Variants in EFCAB12 observed in about 807,000 individuals in gnomAD.
The protein encoded by EFCAB12 is EF-hand calcium binding domain 12.
EFCAB12 carries 43 observed loss-of-function variants against 53.6 expected under a neutral mutation model. The observed-to-expected ratio is 0.80, with a 90% CI of 0.63 to 1.03. EFCAB12 has a LOEUF of 1.03. Ranked by LOEUF, EFCAB12 falls within the 50% of genes least tolerant of loss-of-function variation. The pLI is 0.00. For missense variants in EFCAB12, 646 were observed against 730.6 expected (o/e 0.88, Z 1.34); for synonymous variants, 269 against 289.2 (o/e 0.93, Z 0.71).
intron 4 of EFCAB12, chr3:129,411,944 CA>C: frequency 6.6e-6 from 1 of 152,670 alleles, no homozygotes; most frequent in Non-Finnish European, 1.5e-5. Context: ...AACAAACAAA[CA>C]AAAAATATAG....
chr3:129,420,720 T>C (rs771156148), intron 2 of EFCAB12, among the ~76,000 whole-genome samples: 1 of 151,718 alleles, frequency 6.6e-6, no homozygotes, highest in Non-Finnish European at 1.5e-5. Flanking sequence ...CAAACTCTTC[T>C]GCTTCCCTCC....
At position 129,421,523 on chromosome 3, in the gene EFCAB12, C is replaced by T. The variant is rs776949033; in HGVS notation, c.330G>A (p.Ser110=). The change falls in exon 2 of 9, where the codon TCG becomes TCA. Residue 110 remains serine (S), a synonymous_variant. Transcript: ENST00000505956. ...EDRKTWLSQR[S]KLRQELESFG... ...AGGACTCTAGCTCCTGCCGCAGCTT[C>T]GACCTCTGGCTCAGCCAGGTCTTCC... 3 of 1,614,024 alleles carry T rather than the reference C, an allele frequency of 1.9e-6. No homozygotes were observed. The highest frequency in any genetic ancestry group is 2.2e-5 in the East Asian group (1 of 44,876).
intron 5 of EFCAB12, 80 bp from the exon 6 acceptor site, chr3:129,408,938 C>G (rs1346086582): frequency 4.7e-5 from 69 of 1,465,820 alleles, no homozygotes; most frequent in Non-Finnish European, 6.3e-5. Flanking sequence ...GATGCAGTGC[C>G]TCATCGACCT....
Position 129,408,683 on chromosome 3 carries a change from G to C in EFCAB12, c.1211C>G (p.Ser404Cys). Residue 404 changes from serine to cysteine, a missense_variant, in exon 6 of 9, where the codon TCC (serine) becomes TGC (cysteine). Physicochemically the swap from Ser to Cys is moderately radical, Grantham distance 112. Coordinates refer to ENST00000505956, the MANE Select transcript of EFCAB12 (RefSeq NM_207307.3). Reference protein sequence around the residue: ...VYLQCWKLCKSYGLPLTEDIL... With the variant: ...VYLQCWKLCKCYGLPLTEDIL... Reference sequence around the variant, plus strand: ...GTCCTCTGTCAGCGGGAGGCCATAGGACTTACAGAGCTTCCAGCATTGCAG... The same window carrying C: ...GTCCTCTGTCAGCGGGAGGCCATAGCACTTACAGAGCTTCCAGCATTGCAG... 6.3e-7 allele frequency: 1 copy of C among 1,586,334 alleles called. No homozygotes were observed.
At chr3:129,419,745 A>C (rs1463047568) in intron 2 of EFCAB12, among the ~76,000 whole-genome samples, 3 of 152,172 alleles carry the variant, frequency 2.0e-5, no homozygotes, top group Non-Finnish European at 4.4e-5. Flanking sequence ...CAGGACTGTG[A>C]GCCAAAAAAA....
chr3:129,409,816 T>C (rs866550665), intron 5 of EFCAB12, among the ~76,000 whole-genome samples: 64 of 152,334 alleles, frequency 4.2e-4, no homozygotes, highest in African/African-American at 1.4e-3. Context: ...AAATGTTTAC[T>C]ATCTGGCCCT....
chr3:129,416,891 G>T (rs531535970), intron 3 of EFCAB12, among the ~76,000 whole-genome samples: 1 of 152,294 alleles, frequency 6.6e-6, no homozygotes, highest in East Asian at 1.9e-4. Flanking sequence ...GCCTCAAGCA[G>T]TCTTCTCACT....
intron 6 of EFCAB12, among the ~76,000 whole-genome samples, chr3:129,407,161 G>GA (rs1445032040): frequency 6.6e-6 from 1 of 152,220 alleles, no homozygotes; most frequent in Non-Finnish European, 1.5e-5. Context: ...CATGTGCAGA[G>GA]AAAAAACTGT....
chr3:129,422,401 C>T (rs2072200022), intron 1 of EFCAB12, among the ~76,000 whole-genome samples: 3 of 152,130 alleles, frequency 2.0e-5, no homozygotes, highest in African/African-American at 7.2e-5. Flanking sequence ...CTTTTGATAA[C>T]CTTAAAATGA....
rs551160696 is a variant in EFCAB12, at chr3:129,428,538, G to T, written c.-50C>A. 167 of 1,594,458 alleles carry T rather than the reference G, an allele frequency of 1.0e-4. No individual in the cohort carries two copies. In the South Asian group the frequency reaches 1.7e-3, roughly 16 times the overall value. On this transcript the variant is annotated 5_prime_UTR_variant, in exon 1 of 9. Coordinates refer to ENST00000505956, the MANE Select transcript of EFCAB12 (RefSeq NM_207307.3). ...TGAAGGGCGTGTGTGAATGTGTGTC[G>T]ATGTGGGCTTGCTTGCGTAGGGGTA... is the stretch of plus-strand genomic sequence containing the variant.
chr3:129,417,625 C>T (rs1357574099), intron 3 of EFCAB12, among the ~76,000 whole-genome samples: 1 of 152,234 alleles, frequency 6.6e-6, no homozygotes, highest in Non-Finnish European at 1.5e-5. Flanking sequence ...AAATGTTCCA[C>T]ATCTGTGCAG....
intron 7 of EFCAB12, 91 bp from the exon 8 acceptor site, chr3:129,402,670 C>G: frequency 7.9e-7 from 1 of 1,270,048 alleles, no homozygotes; most frequent in Non-Finnish European, 1.1e-6. Context: ...AGGGGTGGAC[C>G]CGTTTCTAAG....
chr3:129,422,593 C>T (rs2072202265), intron 1 of EFCAB12, among the ~76,000 whole-genome samples: 1 of 152,158 alleles, frequency 6.6e-6, no homozygotes, highest in Non-Finnish European at 1.5e-5. Context: ...ACCCTGGGCA[C>T]TCTTCCTTAT....
At chr3:129,423,834 C>T (rs1487357349) in intron 1 of EFCAB12, among the ~76,000 whole-genome samples, 4 of 152,116 alleles carry the variant, frequency 2.6e-5, no homozygotes, top group Non-Finnish European at 5.9e-5. Context: ...CTTCTGCCTT[C>T]CCTTACGTTT....
intron 1 of EFCAB12, among the ~76,000 whole-genome samples, chr3:129,426,359 G>GTTTTTT (rs71620055): frequency 3.3e-4 from 29 of 87,818 alleles, no homozygotes; most frequent in Admixed American, 5.3e-4. Flanking sequence ...GTTTTTTTTT[G>GTTTTTT]TTTTTTTTTT....
intron 2 of EFCAB12, among the ~76,000 whole-genome samples, chr3:129,420,180 C>T (rs1193746408): frequency 6.6e-6 from 1 of 152,190 alleles, no homozygotes; most frequent in Non-Finnish European, 1.5e-5. Flanking sequence ...GGCCAACCAA[C>T]CCAATGGACA....
intron 4 of EFCAB12, chr3:129,414,081 TA>T (rs1236882198): frequency 6.6e-6 from 1 of 152,152 alleles, no homozygotes; most frequent in Non-Finnish European, 1.5e-5. Flanking sequence ...GTGCTGGACA[TA>T]AAGGAGATTA....
chr3:129,411,186 C>A lies in EFCAB12; in HGVS notation c.1007G>T (p.Arg336Leu). 1 of 1,608,308 alleles carries A rather than the reference C, an allele frequency of 6.2e-7. No homozygotes were observed. ...TLEEMEEVGK[R>L]YRERQRQHKL... Reference sequence around the variant, plus strand: ...GTGCTGTCGCTGCCGCTCGCGGTACCGCTTGCCCACTTCCTCCATCTCCTC... The same window carrying A: ...GTGCTGTCGCTGCCGCTCGCGGTACAGCTTGCCCACTTCCTCCATCTCCTC... Residue 336 changes from arginine to leucine, a missense_variant, in exon 5 of 9, where the codon CGG (arginine) becomes CTG (leucine). Coordinates refer to ENST00000505956, the MANE Select transcript of EFCAB12 (RefSeq NM_207307.3).
At chr3:129,418,067 T>C (rs1170112027) in intron 3 of EFCAB12, among the ~76,000 whole-genome samples, 187 bp downstream of exon 3, 1 of 152,178 alleles carries the variant, frequency 6.6e-6, no homozygotes, top group African/African-American at 2.4e-5. Flanking sequence ...AGGATCTGAT[T>C]TGGCCACAAG....
Sources: gnomAD v4.1 joint callset for allele counts (sites outside exome capture counted in the v4.1 genomes callset) on GRCh38, gnomAD v4.1.1 for gene constraint, MANE v1.5 for transcripts, NCBI Gene and HGNC (gene_info 2026-07-23, HGNC 2026-07-21) for gene names.